ATP11B: variants seen among roughly 807,000 people sequenced by gnomAD.
ATP11B encodes the protein phospholipid-transporting ATPase IF.
Under a neutral mutation model 157.8 loss-of-function variants are expected in ATP11B, and 81 were observed. That is an observed-to-expected ratio of 0.51 (90% CI 0.43 to 0.62). ATP11B has a LOEUF of 0.62. Ranked by LOEUF, ATP11B falls within the 20% of genes least tolerant of loss-of-function variation. The pLI is 0.00. For synonymous variants in ATP11B, 451 were observed against 469.4 expected (o/e 0.96, Z 0.51); for missense variants, 1,165 against 1,402.2 (o/e 0.83, Z 2.70).
chr3:182,821,547 C>T (rs111610624), intron 2 of ATP11B, among the ~76,000 whole-genome samples: 6,343 of 152,152 alleles, frequency 0.042, 155 homozygotes, highest in Middle Eastern at 0.088. Flanking sequence ...TTTCCTGTGG[C>T]ATTTTTAAGT....
At chr3:182,911,280 C>G (rs548661826) in intron 28 of ATP11B, among the ~76,000 whole-genome samples, 5 of 126,208 alleles carry the variant, frequency 4.0e-5, no homozygotes, top group East Asian at 5.6e-4. Flanking sequence ...TGCCCCCCCC[C>G]GCTAAGTCCT....
intron 15 of ATP11B, among the ~76,000 whole-genome samples, chr3:182,868,017 A>G (rs1449006800): frequency 6.6e-6 from 1 of 152,190 alleles, no homozygotes; most frequent in African/African-American, 2.4e-5. Flanking sequence ...TTAACATTAT[A>G]TTGTATCTCA....
chr3:182,812,742 A>G (rs1716748265), intron 1 of ATP11B, among the ~76,000 whole-genome samples: 1 of 152,208 alleles, frequency 6.6e-6, no homozygotes, highest in Non-Finnish European at 1.5e-5. Flanking sequence ...AAAAGTTACC[A>G]TTTTAACCAT....
At chr3:182,797,996 G>A (rs930916082) in intron 1 of ATP11B, among the ~76,000 whole-genome samples, 3 of 152,078 alleles carry the variant, frequency 2.0e-5, no homozygotes, top group African/African-American at 7.2e-5. Flanking sequence ...AATTAGCTGG[G>A]CATTGTGGTA....
chr3:182,838,768 C>T (rs1436286327), intron 7 of ATP11B, among the ~76,000 whole-genome samples: 1 of 146,536 alleles, frequency 6.8e-6, no homozygotes, highest in African/African-American at 2.6e-5. Context: ...GCTTGTAACA[C>T]ATATATGTGC....
chr3:182,907,698 T>C (rs543468854), intron 28 of ATP11B, among the ~76,000 whole-genome samples: 4 of 152,318 alleles, frequency 2.6e-5, no homozygotes, highest in South Asian at 4.1e-4. Flanking sequence ...GCCTAGGATT[T>C]ATGTTATGCC....
At chr3:182,916,736 G>A (rs1725166762) in intron 29 of ATP11B, 2 of 984,122 alleles carry the variant, frequency 2.0e-6, no homozygotes, top group Admixed American at 6.2e-5. Context: ...TTAAAATGAA[G>A]GAGACTTTAC....
At chr3:182,864,534 G>C (rs1476768028) in intron 12 of ATP11B, among the ~76,000 whole-genome samples, 3 of 152,018 alleles carry the variant, frequency 2.0e-5, no homozygotes, top group Admixed American at 2.0e-4. Context: ...ATGAAGGCCA[G>C]GTACCATTTT....
At chr3:182,917,883 A>T (rs983701205) in intron 29 of ATP11B, 140 bp from the exon 30 acceptor site, 1 of 1,343,334 alleles carries the variant, frequency 7.4e-7, no homozygotes, top group Non-Finnish European at 9.6e-7. Flanking sequence ...GGCATTCGAT[A>T]CTAGTATGAA....
At position 182,837,152 on chromosome 3, in the gene ATP11B, C is replaced by A. The variant is rs373586436; in HGVS notation, c.634C>A (p.Gln212Lys). Residue 212 changes from glutamine (Q) to lysine (K), a missense_variant, in exon 7 of 30, where the codon CAA becomes AAA. Around this residue, in one of 4 missense-constraint regions of ATP11B, gnomAD observed 737 missense variants for 930.5 expected, o/e 0.79. Transcript: ENST00000323116. ...TCTAGTAGCTGTAATAGAATGCCAG[C>A]AACCAGAAGCAGACTTATACAGGTA... Reference protein sequence around the residue: ...DTLVAVIECQQPEADLYRFMG... With the variant: ...DTLVAVIECQKPEADLYRFMG... The A allele has an allele frequency of 6.6e-5, 106 of 1,611,336 alleles. No homozygotes were observed. Among genetic ancestry groups the A allele is most frequent in the Non-Finnish European group, 8.0e-5 (94 of 1,177,878 alleles).
intron 27 of ATP11B, 130 bp downstream of exon 27, chr3:182,897,536 G>T: frequency 1.7e-6 from 1 of 581,498 alleles, no homozygotes; most frequent in Non-Finnish European, 2.9e-6. Flanking sequence ...TTCTTCAGTT[G>T]ATCTTACTGA....
At chr3:182,889,201 A>G (rs1723004046) in intron 24 of ATP11B, among the ~76,000 whole-genome samples, 2 of 152,326 alleles carry the variant, frequency 1.3e-5, no homozygotes, top group South Asian at 4.1e-4. Context: ...GTTTGAATGT[A>G]GTATGTGAAC....
intron 4 of ATP11B, among the ~76,000 whole-genome samples, chr3:182,830,993 T>C (rs945300961): frequency 6.6e-6 from 1 of 152,192 alleles, no homozygotes; most frequent in Non-Finnish European, 1.5e-5. Flanking sequence ...CGTTTCTATA[T>C]ATACTTTCAC....
At chr3:182,906,567 CTCTCCCCCAGTAGCT>C (rs1724366806) in intron 28 of ATP11B, among the ~76,000 whole-genome samples, 2 of 152,086 alleles carry the variant, frequency 1.3e-5, no homozygotes, top group African/African-American at 4.8e-5. Flanking sequence ...CCCTCGACCC[CTCTCCCCCAGTAGCT>C]GGAACTACAG....
chr3:182,793,662 C>T lies in ATP11B; in HGVS notation c.-98C>T. 2 of 766,448 alleles carry T rather than the reference C, an allele frequency of 2.6e-6. No individual in the cohort carries two copies. The highest frequency in any genetic ancestry group is 5.1e-5 in the South Asian group (2 of 39,554). 47.5% of individuals were successfully genotyped at this position (766,448 alleles called of 1,614,324 possible). A position where few individuals can be genotyped will look rare whatever the true frequency, so the allele number is the denominator to read the frequency against. On this transcript the variant is annotated 5_prime_UTR_variant, in exon 1 of 30. Transcript: ENST00000323116. ...CGGCGGCGGTAAGCGGAACTTCGGC[C>T]CGAGGGGCTCGCCCGCTCCCGCCTC...
At chr3:182,894,558 A>G (rs1001276836) in intron 25 of ATP11B, among the ~76,000 whole-genome samples, 1 of 152,218 alleles carries the variant, frequency 6.6e-6, no homozygotes, top group African/African-American at 2.4e-5. Flanking sequence ...CTCAAGGGCA[A>G]GTCAGAATGG....
chr3:182,911,237 A>G (rs929041926), intron 28 of ATP11B, among the ~76,000 whole-genome samples: 2 of 134,914 alleles, frequency 1.5e-5, no homozygotes, highest in African/African-American at 3.1e-5. Context: ...TCAGCCTGGA[A>G]TATCTTTTCC....
chr3:182,864,650 G>A (rs973212532), intron 12 of ATP11B, among the ~76,000 whole-genome samples: 2 of 151,890 alleles, frequency 1.3e-5, no homozygotes, highest in African/African-American at 2.4e-5. Context: ...ATATGTTTCT[G>A]GATTTGATTT....
intron 26 of ATP11B, 115 bp from the exon 27 acceptor site, chr3:182,897,188 T>C (rs1723611150): frequency 1.7e-5 from 10 of 587,464 alleles, no homozygotes. Flanking sequence ...TGAGGGATTG[T>C]ATCTGTCTTC....
Sources: gnomAD v4.1 joint callset for allele counts (sites outside exome capture counted in the v4.1 genomes callset) on GRCh38, gnomAD v4.1.1 for gene constraint, gnomAD v4.1.1 regional missense constraint, MANE v1.5 for transcripts, NCBI Gene and HGNC (gene_info 2026-07-23, HGNC 2026-07-21) for gene names.